CNTNAP2: variants seen among roughly 807,000 people sequenced by gnomAD.
CNTNAP2 encodes contactin-associated protein-like 2.
In CNTNAP2, 98 loss-of-function variants were observed where a neutral mutation model predicts 155.2. That is an observed-to-expected ratio of 0.63 (90% CI 0.54 to 0.75). The LOEUF (loss-of-function observed/expected upper bound fraction) is 0.75, where lower values mean the gene tolerates loss of function less well. CNTNAP2 is among the 30% of genes least tolerant of loss of function. The pLI is 0.00. For synonymous variants in CNTNAP2, 651 were observed against 631.2 expected (o/e 1.03, Z -0.47); for missense variants, 1,727 against 1,688.1 (o/e 1.02, Z -0.40).
intron 21 of CNTNAP2, among the ~76,000 whole-genome samples, chr7:148,289,846 A>G (rs559977207): frequency 5.4e-4 from 82 of 152,356 alleles, no homozygotes; most frequent in African/African-American, 1.8e-3. Flanking sequence ...CTCTGCACAC[A>G]CATGATGTCA....
intron 1 of CNTNAP2, among the ~76,000 whole-genome samples, chr7:146,759,084 G>T (rs1289710450): frequency 4.0e-5 from 6 of 149,694 alleles, no homozygotes. Flanking sequence ...GATTGGTATA[G>T]TTTTTTTATT....
chr7:147,897,979 C>A (rs1484556493), intron 13 of CNTNAP2, among the ~76,000 whole-genome samples: 1 of 152,152 alleles, frequency 6.6e-6, no homozygotes, highest in African/African-American at 2.4e-5. Flanking sequence ...CAGGGTGGAC[C>A]TTTATGTCAG....
intron 11 of CNTNAP2, among the ~76,000 whole-genome samples, chr7:147,557,138 C>T (rs75012507): frequency 0.012 from 1,776 of 152,040 alleles, 35 homozygotes; most frequent in African/African-American, 0.04. Context: ...TTGGCAGGCA[C>T]CTGTAATCCC....
intron 15 of CNTNAP2, among the ~76,000 whole-genome samples, chr7:148,039,279 G>A (rs1438536981): frequency 6.6e-6 from 1 of 152,180 alleles, no homozygotes; most frequent in South Asian, 2.1e-4. Flanking sequence ...AAGGACAGGA[G>A]AAGGAGAGTG....
rs184988851 is a variant in CNTNAP2 at position 147,374,697 on chromosome 7, C to T, written c.1499-20912C>T. Among the ~76,000 whole-genome samples, 1,125 of 151,374 alleles carry T rather than the reference C, an allele frequency of 7.4e-3. 12 individuals are homozygous for T. Among genetic ancestry groups the T allele is most frequent in the African/African-American group, 0.026 (1,058 of 41,432 alleles). On this transcript the variant is annotated intron_variant, in intron 9 of 23. Transcript: ENST00000361727. ...AGTATGCTTCCTCCAGAGGAGGAGCCGGTAGTCTCTGGCTATATTCTGGAA... is the reference window on the plus strand; with the variant it reads ...AGTATGCTTCCTCCAGAGGAGGAGCTGGTAGTCTCTGGCTATATTCTGGAA...
At chr7:148,224,220 A>G (rs981171133) in intron 19 of CNTNAP2, among the ~76,000 whole-genome samples, 2 of 152,336 alleles carry the variant, frequency 1.3e-5, no homozygotes, top group Middle Eastern at 3.4e-3. Context: ...GGCAGAGAGT[A>G]AAAACCTAAG....
chr7:146,731,284 A>G (rs1290195734), intron 1 of CNTNAP2, among the ~76,000 whole-genome samples: 6 of 152,180 alleles, frequency 3.9e-5, no homozygotes, highest in African/African-American at 1.4e-4. Flanking sequence ...AGTTAGGAAC[A>G]ACAGCAGGAC....
intron 1 of CNTNAP2, among the ~76,000 whole-genome samples, chr7:146,644,348 A>G (rs549467195): frequency 6.6e-6 from 1 of 152,114 alleles, no homozygotes; most frequent in Non-Finnish European, 1.5e-5. Flanking sequence ...TAATTTATGG[A>G]GAGTTTTTAG....
At chr7:147,608,229 T>A (rs1018217032) in intron 12 of CNTNAP2, among the ~76,000 whole-genome samples, 16 of 151,366 alleles carry the variant, frequency 1.1e-4, no homozygotes, top group African/African-American at 3.9e-4. Flanking sequence ...AAAAACACAA[T>A]GGTTTTAAGA....
intron 16 of CNTNAP2, chr7:148,133,827 G>T (rs948945268): frequency 9.2e-5 from 14 of 152,228 alleles, no homozygotes; most frequent in African/African-American, 3.4e-4. Flanking sequence ...CAGGTACTAT[G>T]ACACCAAAAA....
At chr7:147,348,656 GGAAAA>G (rs904933971) in intron 9 of CNTNAP2, among the ~76,000 whole-genome samples, 17 of 151,892 alleles carry the variant, frequency 1.1e-4, no homozygotes, top group Admixed American at 6.6e-4. Context: ...TTTATCCAAA[GGAAAA>G]GAAATCATTA....
In CNTNAP2 at chr7:146,991,478, C is replaced by A. The variant is rs556967473; in HGVS notation, c.403-52429C>A. Among the ~76,000 whole-genome samples, 3 of 152,202 alleles carry A rather than the reference C, an allele frequency of 2.0e-5. No homozygotes were observed. The South Asian group carries it at 6.2e-4, about 32-fold the overall frequency. ...CCCCAACATGATCGGAATATTACTG[C>A]CACAGTGGGGCACACCTTGAAATAT... On this transcript the variant is annotated intron_variant, in intron 3 of 23. Coordinates refer to ENST00000361727, the MANE Select transcript of CNTNAP2 (RefSeq NM_014141.6).
At chr7:147,060,448 C>T (rs1334559109) in intron 4 of CNTNAP2, among the ~76,000 whole-genome samples, 6 of 152,154 alleles carry the variant, frequency 3.9e-5, no homozygotes, top group Non-Finnish European at 8.8e-5. Flanking sequence ...GCAGGCTGGG[C>T]ACGATGGCTC....
At chr7:146,900,378 G>C (rs1217975171) in intron 3 of CNTNAP2, among the ~76,000 whole-genome samples, 1 of 152,110 alleles carries the variant, frequency 6.6e-6, no homozygotes, top group Non-Finnish European at 1.5e-5. Context: ...CCTGCTTCTA[G>C]TCCTGACCAT....
intron 11 of CNTNAP2, among the ~76,000 whole-genome samples, chr7:147,548,322 A>G (rs1363636671): frequency 6.6e-6 from 1 of 152,086 alleles, no homozygotes; most frequent in African/African-American, 2.4e-5. Flanking sequence ...ATGGTGTCTC[A>G]TTGTGGTTTA....
At chr7:146,642,825 T>A in intron 1 of CNTNAP2, among the ~76,000 whole-genome samples, 1 of 151,688 alleles carries the variant, frequency 6.6e-6, no homozygotes, top group Non-Finnish European at 1.5e-5. Context: ...CACCTGTTGT[T>A]TCCTGACTTT....
At chr7:147,464,423 C>T (rs1178580930) in intron 10 of CNTNAP2, among the ~76,000 whole-genome samples, 6 of 146,796 alleles carry the variant, frequency 4.1e-5, no homozygotes, top group South Asian at 2.1e-4. Flanking sequence ...GCCAAGATCG[C>T]GCCACTGCAC....
chr7:147,522,267 T>C (rs938313996), intron 11 of CNTNAP2, among the ~76,000 whole-genome samples: 1 of 152,228 alleles, frequency 6.6e-6, no homozygotes, highest in Non-Finnish European at 1.5e-5. Context: ...ACGAATATTC[T>C]GACCATAGCA....
rs371991236 is a variant in CNTNAP2, at chr7:147,317,806, A to G, written c.1498+17516A>G. Reference sequence around the variant, plus strand: ...TGTGTGTGTGTGTGTGTGTATATGTATATATATGTGTGTGTGTGTGTGCGT... The same window carrying G: ...TGTGTGTGTGTGTGTGTGTATATGTGTATATATGTGTGTGTGTGTGTGCGT... On this transcript the variant is annotated intron_variant, in intron 9 of 23. Coordinates refer to ENST00000361727, the MANE Select transcript of CNTNAP2 (RefSeq NM_014141.6). Among the ~76,000 whole-genome samples, 125 of 84,870 alleles carry G rather than the reference A, an allele frequency of 1.5e-3. 1 individual carries two copies. Among genetic ancestry groups the G allele is most frequent in the Non-Finnish European group, 2.2e-3 (84 of 37,474 alleles). 55.7% of individuals were successfully genotyped at this position (84,870 alleles called of 152,430 possible). A position where few individuals can be genotyped will look rare whatever the true frequency, so the allele number is the denominator to read the frequency against.
Sources: gnomAD v4.1 joint callset for allele counts (sites outside exome capture counted in the v4.1 genomes callset) on GRCh38, gnomAD v4.1.1 for gene constraint, MANE v1.5 for transcripts, NCBI Gene and HGNC (gene_info 2026-07-23, HGNC 2026-07-21) for gene names.